Variants in SLC39A8 observed in about 807,000 individuals in gnomAD.
SLC39A8 encodes metal cation symporter ZIP8.
Under a neutral mutation model 40.4 loss-of-function variants are expected in SLC39A8, and 15 were observed. The ratio of observed to expected loss-of-function variants is 0.37; its 90% CI spans 0.25 to 0.57. SLC39A8 has a LOEUF of 0.57. Ranked by LOEUF, SLC39A8 falls within the 20% of genes least tolerant of loss-of-function variation. The pLI is 0.75. For synonymous variants in SLC39A8, 223 were observed against 221.6 expected (o/e 1.01, Z -0.06); for missense variants, 472 against 558.8 (o/e 0.84, Z 1.57).
At chr4:102,299,326 A>G (rs1176800632) in intron 6 of SLC39A8, among the ~76,000 whole-genome samples, 4 of 150,758 alleles carry the variant, frequency 2.7e-5, no homozygotes, top group African/African-American at 9.8e-5. Flanking sequence ...AGTGCTTTCC[A>G]TTTTTCTGTG....
chr4:102,324,279 C>T, intron 2 of SLC39A8: 1 of 336,458 alleles, frequency 3.0e-6, no homozygotes, highest in Non-Finnish European at 6.1e-6. Flanking sequence ...CCTGTAATCC[C>T]AGCTACTCGG....
intron 3 of SLC39A8, among the ~76,000 whole-genome samples, chr4:102,313,496 G>A (rs575564876): frequency 1.1e-4 from 16 of 152,156 alleles, no homozygotes; most frequent in African/African-American, 2.6e-4. Context: ...AATGAAAACA[G>A]GCACTTTCTT....
At chr4:102,333,951 T>C (rs1189837174) in intron 2 of SLC39A8, among the ~76,000 whole-genome samples, 1 of 152,130 alleles carries the variant, frequency 6.6e-6, no homozygotes, top group African/African-American at 2.4e-5. Flanking sequence ...AAGGAAAGAA[T>C]GTGTTTCAGG....
rs116507848 is a variant in SLC39A8 at position 102,319,253 on chromosome 4, G to A, written c.220-3423C>T. Among the ~76,000 whole-genome samples, 985 of 152,268 alleles carry A rather than the reference G, an allele frequency of 6.5e-3. 11 individuals are homozygous for A. Among genetic ancestry groups the A allele is most frequent in the African/African-American group, 0.022 (907 of 41,568 alleles). On this transcript the variant is annotated intron_variant, in intron 2 of 8. Coordinates refer to ENST00000356736, the MANE Select transcript of SLC39A8 (RefSeq NM_001135146.2). ...TGTCCTTATGGGAAAGTGGGGGGCT[G>A]GTTCAGAGAGAGGATGAAGGAAGCT...
At chr4:102,344,361 T>G (rs1736067257) in intron 2 of SLC39A8, 83 bp downstream of exon 2, 1 of 973,606 alleles carries the variant, frequency 1.0e-6, no homozygotes, top group African/African-American at 1.7e-5. Flanking sequence ...CCTGCACTTT[T>G]CCCAAATAAA....
At chr4:102,253,163 G>GA (rs1731629973) in exon 12 of SLC39A8, 3 of 358,940 alleles carry the variant, frequency 8.4e-6, no homozygotes, top group African/African-American at 4.3e-5. Context: ...GTTTTTCGGG[G>GA]CGAGCGGGGA....
intron 2 of SLC39A8, among the ~76,000 whole-genome samples, chr4:102,323,613 A>G (rs1419334125): frequency 2.0e-5 from 3 of 152,258 alleles, no homozygotes; most frequent in Non-Finnish European, 4.4e-5. Flanking sequence ...AGTAATAGCA[A>G]ACCATAATAT....
intron 11 of SLC39A8, among the ~76,000 whole-genome samples, chr4:102,256,024 A>C (rs2148998502): frequency 6.6e-6 from 1 of 152,330 alleles, no homozygotes; most frequent in South Asian, 2.1e-4. Context: ...AAGATACAAA[A>C]AGTAGAAAGA....
At chr4:102,304,559 C>T in intron 5 of SLC39A8, 78 bp from the exon 6 acceptor site, 3 of 1,196,342 alleles carry the variant, frequency 2.5e-6, no homozygotes, top group Non-Finnish European at 3.5e-6. Flanking sequence ...GAGTTTACTG[C>T]TTTTTATTTA....
chr4:102,298,714 G>A (rs189888890), intron 6 of SLC39A8, among the ~76,000 whole-genome samples: 1 of 152,150 alleles, frequency 6.6e-6, no homozygotes, highest in Non-Finnish European at 1.5e-5. Context: ...AGGACAGGAG[G>A]AAAGAGAGAC....
chr4:102,319,454 C>T (rs930909905), intron 2 of SLC39A8, among the ~76,000 whole-genome samples: 10 of 152,198 alleles, frequency 6.6e-5, no homozygotes, highest in African/African-American at 2.2e-4. Context: ...GGACCTGCAT[C>T]ACCTGGTGTT....
intron 6 of SLC39A8, among the ~76,000 whole-genome samples, chr4:102,291,940 GC>G (rs1733467684): frequency 1.3e-5 from 2 of 151,804 alleles, no homozygotes; most frequent in African/African-American, 2.4e-5. Context: ...AGGATACTAA[GC>G]CAGGCACAGA....
chr4:102,318,541 C>T (rs955715693), intron 2 of SLC39A8, among the ~76,000 whole-genome samples: 1 of 152,084 alleles, frequency 6.6e-6, no homozygotes, highest in Admixed American at 6.6e-5. Flanking sequence ...AAAGTTGAAC[C>T]AGAAACAAAA....
chr4:102,289,662 A>T (rs2149023201), intron 6 of SLC39A8, among the ~76,000 whole-genome samples: 1 of 152,260 alleles, frequency 6.6e-6, no homozygotes, highest in East Asian at 1.9e-4. Context: ...ACCTTCATGG[A>T]TAACTTTGAG....
rs191856778 is a variant in SLC39A8 at position 102,262,530 on chromosome 4, T to A, written c.*514A>T. The A allele has an allele frequency of 1.0e-6, 1 of 985,300 alleles. No individual in the cohort carries two copies. The highest frequency in any genetic ancestry group is 1.2e-6 in the Non-Finnish European group (1 of 829,788). 61.0% of individuals were successfully genotyped at this position (985,300 alleles called of 1,614,324 possible). On this transcript the variant is annotated 3_prime_UTR_variant, in exon 9 of 9. Transcript: ENST00000356736. ...AAAAAGCTGTGAGAAATCTTTTTTT[T>A]CTTTGGCTCCTTAAAGACTTGGAAT...
intron 2 of SLC39A8, among the ~76,000 whole-genome samples, chr4:102,329,283 A>G (rs1735346523): frequency 6.6e-6 from 1 of 152,140 alleles, no homozygotes; most frequent in African/African-American, 2.4e-5. Context: ...TTTCACAATA[A>G]TGGGAAGTCA....
downstream of SLC39A8, chr4:102,259,558 T>A (rs578077100): frequency 1.0e-5 from 14 of 1,388,658 alleles, no homozygotes; most frequent in Non-Finnish European, 1.4e-5. Flanking sequence ...GGGAGAGATA[T>A]AAATAGGAAA....
intron 6 of SLC39A8, among the ~76,000 whole-genome samples, chr4:102,285,985 A>C (rs922167879): frequency 1.3e-5 from 2 of 152,166 alleles, no homozygotes; most frequent in Non-Finnish European, 2.9e-5. Flanking sequence ...TGCAGAATGC[A>C]GCATGCAAAG....
intron 6 of SLC39A8, among the ~76,000 whole-genome samples, chr4:102,279,185 C>G (rs1037711716): frequency 6.6e-6 from 1 of 151,760 alleles, no homozygotes; most frequent in African/African-American, 2.4e-5. Flanking sequence ...GTCCCCGAAA[C>G]CTTGGACTTG....
Sources: gnomAD v4.1 joint callset for allele counts (sites outside exome capture counted in the v4.1 genomes callset) on GRCh38, gnomAD v4.1.1 for gene constraint, MANE v1.5 for transcripts, NCBI Gene and HGNC (gene_info 2026-07-23, HGNC 2026-07-21) for gene names.